Variants in GRTP1 observed in about 807,000 individuals in gnomAD.
GRTP1 encodes growth hormone-regulated TBC protein 1.
In GRTP1, 56 loss-of-function variants were observed where a neutral mutation model predicts 38.1. The ratio of observed to expected loss-of-function variants is 1.47; its 90% CI spans 1.19 to 1.84. The LOEUF (loss-of-function observed/expected upper bound fraction) is 1.84. Ranked by LOEUF, GRTP1 falls within the 40% of genes most tolerant of loss-of-function variation. The pLI is 0.00. For missense variants in GRTP1, 506 were observed against 453.9 expected (o/e 1.11, Z -1.04); for synonymous variants, 217 against 189.5 (o/e 1.14, Z -1.19).
Position 113,363,842 on chromosome 13 carries a change from C to T in GRTP1, c.101G>A (p.Ser34Asn), listed in dbSNP as rs759283769. The change falls in exon 2 of 8, where the codon AGC becomes AAC. Residue 34 changes from serine to asparagine, a missense_variant. Transcript: ENST00000375431. ...CCTGCGGGTGAGCGTGACCAGGTAGCTGGAGAAAAACTTCTCGTAGGCGGC... is the reference window on the plus strand; with the variant it reads ...CCTGCGGGTGAGCGTGACCAGGTAGTTGGAGAAAAACTTCTCGTAGGCGGC... ...DDAAYEKFFS[S>N]YLVTLTRRAI... 3 of 1,612,060 alleles carry T rather than the reference C, an allele frequency of 1.9e-6. No individual in the cohort carries two copies. The Admixed American group carries it at 5.0e-5, about 27-fold the overall frequency.
In GRTP1 at chr13:113,355,437, G is replaced by C. The variant is rs761421495; in HGVS notation, c.226C>G (p.Arg76Gly). Reference protein sequence around the residue: ...RKGVPLEHRARVWMVLSGAQA... With the variant: ...RKGVPLEHRAGVWMVLSGAQA... ...GCCCCACTCAGCACCATCCAGACGC[G>C]GGCACGGTGCTCCAGCGGGACCCCT... is the stretch of plus-strand genomic sequence containing the variant. Residue 76 changes from arginine (R) to glycine (G), a missense_variant, in exon 3 of 8, where the codon CGC becomes GGC. Transcript: ENST00000375431. The C allele has an allele frequency of 6.2e-7, 1 of 1,613,852 alleles. No individual in the cohort carries two copies. The highest frequency in any genetic ancestry group is 8.5e-7 in the Non-Finnish European group (1 of 1,179,882).
At chr13:113,330,568 G>A (rs1292725342) in intron 5 of GRTP1, among the ~76,000 whole-genome samples, 17 of 64,848 alleles carry the variant, frequency 2.6e-4, no homozygotes, top group Admixed American at 6.0e-4. Context: ...GTGTGCATGG[G>A]AGCCCAGGTG....
At chr13:113,335,689 C>T (rs1350782051) in intron 5 of GRTP1, among the ~76,000 whole-genome samples, 2 of 152,114 alleles carry the variant, frequency 1.3e-5, no homozygotes, top group African/African-American at 4.8e-5. Context: ...TTTTATTTAG[C>T]GCCCACATGT....
intron 2 of GRTP1, among the ~76,000 whole-genome samples, chr13:113,362,161 A>G (rs752509525): frequency 7.3e-5 from 11 of 151,322 alleles, no homozygotes; most frequent in Non-Finnish European, 1.5e-4. Flanking sequence ...AATAAAAAAA[A>G]TAAGAAAATA....
rs751183947 is a variant in GRTP1 at position 113,324,610 on chromosome 13, C to A, written c.922-33G>T. The A allele has an allele frequency of 8.5e-5, 133 of 1,568,088 alleles. 1 individual carries two copies. Among genetic ancestry groups the A allele is most frequent in the Non-Finnish European group, 1.1e-4 (129 of 1,156,174 alleles). On this transcript the variant is annotated intron_variant, in intron 7 of 7. Coordinates refer to ENST00000375431, the MANE Select transcript of GRTP1 (RefSeq NM_024719.4). ...GCAAACAGTTAGTTTAAAAACAAAC[C>A]CAACAACCCATTTCTACGTTAGCTC...
rs1375664867 is a variant in GRTP1, at chr13:113,348,424, C to G, written c.465+2425G>C. 6.6e-6 allele frequency among the ~76,000 whole-genome samples: 1 copy of G among 152,160 alleles called. No homozygotes were observed. On this transcript the variant is annotated intron_variant, in intron 4 of 7. Coordinates refer to ENST00000375431, the MANE Select transcript of GRTP1 (RefSeq NM_024719.4). This position sits in a 1 kb window ranked among gnomAD's most constrained non-coding sequence, Gnocchi z 4.8. ...CGAGATCACGCCACTGCACTCCAGCCTGGGTGACAGAGCGAGACCGTGTGC... is the reference window on the plus strand; with the variant it reads ...CGAGATCACGCCACTGCACTCCAGCGTGGGTGACAGAGCGAGACCGTGTGC...
At chr13:113,352,201 A>C (rs12430819) in intron 3 of GRTP1, among the ~76,000 whole-genome samples, 46,514 of 140,286 alleles carry the variant, frequency 0.33, 8,148 homozygotes, top group East Asian at 0.61. Flanking sequence ...GTGTTCATTT[A>C]TATGTAATAT....
At chr13:113,355,028 G>A (rs574869073) in intron 3 of GRTP1, 3 of 302,482 alleles carry the variant, frequency 9.9e-6, no homozygotes, top group Middle Eastern at 9.6e-4. Context: ...GAAGCGCACC[G>A]GCAACAGAGG....
intron 5 of GRTP1, among the ~76,000 whole-genome samples, chr13:113,340,316 T>TAA (rs1163372060): frequency 2.9e-5 from 4 of 136,410 alleles, no homozygotes; most frequent in African/African-American, 1.1e-4. Context: ...TCTCTACAAA[T>TAA]AAAAAAAAAA....
intron 5 of GRTP1, among the ~76,000 whole-genome samples, chr13:113,333,831 TTTATTTA>T (rs1566418487): frequency 1.9e-5 from 2 of 105,544 alleles, no homozygotes; most frequent in African/African-American, 3.9e-5. Context: ...TATTTATTTA[TTTATTTA>T]GTGTGTGTGT....
chr13:113,337,823 G>A (rs1447536192), intron 5 of GRTP1, among the ~76,000 whole-genome samples: 2 of 152,248 alleles, frequency 1.3e-5, no homozygotes, highest in South Asian at 2.1e-4. Context: ...CGCAGGAAAC[G>A]CACCTCCGAT....
rs1397522800 is a variant in GRTP1, at chr13:113,343,721, G to A, written c.562+1142C>T. Among the ~76,000 whole-genome samples the A allele has an allele frequency of 1.3e-5, 2 of 152,226 alleles. No individual in the cohort carries two copies. Among genetic ancestry groups the A allele is most frequent in the Admixed American group, 1.3e-4 (2 of 15,276 alleles). ...GCAGCTCAGCAGGAAACTGACACAT[G>A]CCGTGTGCTCACCAGGCAGGAGCTG... is the stretch of plus-strand genomic sequence containing the variant. On this transcript the variant is annotated intron_variant, in intron 5 of 7. Coordinates refer to ENST00000375431, the MANE Select transcript of GRTP1 (RefSeq NM_024719.4). This position sits in a 1 kb window ranked among gnomAD's most constrained non-coding sequence, Gnocchi z 4.8.
At chr13:113,351,479 G>A (rs1223271130) in intron 3 of GRTP1, among the ~76,000 whole-genome samples, 1 of 152,230 alleles carries the variant, frequency 6.6e-6, no homozygotes, top group Non-Finnish European at 1.5e-5. Context: ...GCTGAGAGCT[G>A]AGAACTGAAT....
intron 3 of GRTP1, among the ~76,000 whole-genome samples, chr13:113,353,405 T>C (rs891649202): frequency 2.0e-5 from 3 of 152,376 alleles, no homozygotes; most frequent in East Asian, 3.9e-4. Flanking sequence ...AGTCTGCCCA[T>C]GCGTGGAATA....
chr13:113,326,537 G>C (rs1213733635), intron 5 of GRTP1, among the ~76,000 whole-genome samples: 3 of 152,084 alleles, frequency 2.0e-5, no homozygotes, highest in African/African-American at 7.2e-5. Context: ...CAGGTGTGGT[G>C]GTGGGCACCT....
At chr13:113,354,565 G>C (rs994668429) in intron 3 of GRTP1, among the ~76,000 whole-genome samples, 1 of 140,900 alleles carries the variant, frequency 7.1e-6, no homozygotes, top group Non-Finnish European at 1.5e-5. Flanking sequence ...TTTCACTCTT[G>C]TTGCCCAGGC....
Position 113,325,722 on chromosome 13 carries a change from C to A in GRTP1, c.860G>T (p.Cys287Phe). The change falls in exon 7 of 8, where the codon TGC becomes TTC. Residue 287 changes from cysteine to phenylalanine, a missense_variant. Physicochemically the swap from Cys to Phe is radical, Grantham distance 205. Coordinates refer to ENST00000375431, the MANE Select transcript of GRTP1 (RefSeq NM_024719.4). Reference sequence around the variant, plus strand: ...TTTGGTTATCTGCTTAAACTTATCGCAAATGTCTGGAACGCTGGTGGCTTC... The same window carrying A: ...TTTGGTTATCTGCTTAAACTTATCGAAAATGTCTGGAACGCTGGTGGCTTC... ...ILEATSVPDI[C>F]DKFKQITKGS... The A allele has an allele frequency of 6.2e-7, 1 of 1,614,232 alleles. No individual in the cohort carries two copies. The highest frequency in any genetic ancestry group is 2.2e-5 in the East Asian group (1 of 44,882).
chr13:113,341,569 A>AT (rs2043027061), intron 5 of GRTP1, among the ~76,000 whole-genome samples: 3 of 151,702 alleles, frequency 2.0e-5, no homozygotes, highest in South Asian at 4.2e-4. Flanking sequence ...GCCCAGCTAC[A>AT]TTTTTTTCTT....
At chr13:113,341,722 C>T (rs1455669019) in intron 5 of GRTP1, among the ~76,000 whole-genome samples, 1 of 152,170 alleles carries the variant, frequency 6.6e-6, no homozygotes, top group Admixed American at 6.5e-5. Context: ...TCTATAAAAA[C>T]TCTGGAAATA....
Sources: allele counts gnomAD v4.1 joint callset (sites outside exome capture counted in the v4.1 genomes callset), GRCh38; gene constraint gnomAD v4.1.1; non-coding constraint Gnocchi (gnomAD v3.1); transcripts MANE v1.5; gene names NCBI Gene and HGNC (gene_info 2026-07-23, HGNC 2026-07-21).